USH2A: variants seen among roughly 807,000 people sequenced by gnomAD.
USH2A encodes usherin.
In USH2A, 443 loss-of-function variants were observed where a neutral mutation model predicts 538.9. The observed-to-expected ratio is 0.82, with a 90% CI of 0.76 to 0.89. USH2A has a LOEUF of 0.89. USH2A is among the 40% of genes least tolerant of loss of function. USH2A has a pLI of 0.00. For synonymous variants in USH2A, 2,413 were observed against 2,273.5 expected (o/e 1.06, Z -1.75); for missense variants, 6,633 against 6,324.8 (o/e 1.05, Z -1.65).
intron 21 of USH2A, among the ~76,000 whole-genome samples, chr1:216,148,025 T>TGCCC (rs1017613314): frequency 6.9e-5 from 10 of 143,992 alleles, no homozygotes; most frequent in African/African-American, 2.6e-4. Context: ...AGACTGACAC[T>TGCCC]GCCCGATCGC....
intron 30 of USH2A, among the ~76,000 whole-genome samples, chr1:216,068,748 AATGAAAAT>A (rs1197192154): frequency 2.0e-5 from 3 of 152,192 alleles, no homozygotes; most frequent in Non-Finnish European, 2.9e-5. Context: ...TAAAAATAAT[AATGAAAAT>A]AAAATTATAG....
intron 66 of USH2A, 83 bp from the exon 67 acceptor site, chr1:215,647,813 G>T: frequency 6.6e-7 from 1 of 1,513,206 alleles, no homozygotes; most frequent in Non-Finnish European, 9.1e-7. Flanking sequence ...TCTATTTTGT[G>T]AGGAGACATT....
intron 37 of USH2A, among the ~76,000 whole-genome samples, chr1:215,939,500 C>T (rs2102504287): frequency 6.6e-6 from 1 of 152,144 alleles, no homozygotes. Context: ...GAAATGTTAA[C>T]AATATTAATG....
In USH2A at chr1:215,844,354, C is replaced by T. The variant is rs267598374; in HGVS notation, c.9198G>A (p.Met3066Ile). 2 of 1,613,838 alleles carry T rather than the reference C, an allele frequency of 1.2e-6. No homozygotes were observed. The highest frequency in any genetic ancestry group is 1.7e-6 in the Non-Finnish European group (2 of 1,179,866). Residue 3066 changes from methionine to isoleucine, a missense_variant, in exon 46 of 72, where the codon ATG (methionine) becomes ATA (isoleucine). Transcript: ENST00000307340. Reference sequence around the variant, plus strand: ...TCAGAATAAACGACCCAGGCACATTCATTCCAGTCTTGTAGAGCTTATTAT... The same window carrying T: ...TCAGAATAAACGACCCAGGCACATTTATTCCAGTCTTGTAGAGCTTATTAT... ...YVNNKLYKTG[M>I]NVPGSFILRD...
chr1:215,803,323 G>T (rs1571702039), intron 49 of USH2A, among the ~76,000 whole-genome samples: 1 of 152,198 alleles, frequency 6.6e-6, no homozygotes, highest in East Asian at 1.9e-4. Context: ...TATTCAATTA[G>T]GAAAAGAGGA....
chr1:216,340,716 T>C (rs1050264721), intron 4 of USH2A, among the ~76,000 whole-genome samples: 5 of 151,958 alleles, frequency 3.3e-5, no homozygotes, highest in African/African-American at 4.8e-5. Context: ...AAACGTAATC[T>C]ATCACATAAA....
intron 27 of USH2A, among the ~76,000 whole-genome samples, chr1:216,077,438 G>A (rs2031788058): frequency 6.6e-6 from 1 of 151,684 alleles, no homozygotes; most frequent in South Asian, 2.1e-4. Context: ...TTATGTCAAA[G>A]AAAGAAAAGG....
intron 3 of USH2A, among the ~76,000 whole-genome samples, chr1:216,414,718 A>G (rs1445494357): frequency 1.3e-5 from 2 of 151,940 alleles, no homozygotes; most frequent in Non-Finnish European, 2.9e-5. Flanking sequence ...TGTATGTTTT[A>G]TTTTTTCACA....
chr1:215,649,910 T>C (rs1656997471), intron 65 of USH2A, among the ~76,000 whole-genome samples: 2 of 152,320 alleles, frequency 1.3e-5, no homozygotes, highest in South Asian at 2.1e-4. Context: ...ATTTAAATAA[T>C]GCAGGAACTG....
Position 215,674,100 on chromosome 1 carries a change from C to CTG in USH2A, c.13809_13810dup (p.Arg4604ThrfsTer31). On this transcript the variant is annotated frameshift_variant and splice_region_variant, in exon 63 of 72. Coordinates refer to ENST00000307340, the MANE Select transcript of USH2A (RefSeq NM_206933.4). LOFTEE classifies it high-confidence loss of function. The stretch of plus-strand genomic sequence containing the variant: ...AGAAAACCGAGACATGGCTACCTAC[C>CTG]TGTGAAATGGCTTCAGCTGGTTTAC... The CTG allele has an allele frequency of 6.2e-7, 1 of 1,613,994 alleles. No individual in the cohort carries two copies. Among genetic ancestry groups the CTG allele is most frequent in the East Asian group, 2.2e-5 (1 of 44,868 alleles).
intron 21 of USH2A, among the ~76,000 whole-genome samples, chr1:216,111,227 T>C (rs892605349): frequency 3.3e-5 from 5 of 152,108 alleles, no homozygotes; most frequent in Non-Finnish European, 7.4e-5. Context: ...TGAGACTCCA[T>C]CTCAAAAACA....
At chr1:215,715,470 C>T (rs1018207217) in intron 61 of USH2A, among the ~76,000 whole-genome samples, 2 of 152,134 alleles carry the variant, frequency 1.3e-5, no homozygotes, top group African/African-American at 2.4e-5. Context: ...TACTTAGTCT[C>T]ACTATGGGTT....
intron 30 of USH2A, among the ~76,000 whole-genome samples, chr1:216,049,609 A>G (rs376289883): frequency 6.6e-6 from 1 of 152,210 alleles, no homozygotes; most frequent in Admixed American, 6.5e-5. Flanking sequence ...GAAACCTTCA[A>G]TCGCTCAGAG....
At chr1:215,796,283 G>A (rs536764923) in intron 50 of USH2A, among the ~76,000 whole-genome samples, 1 of 152,168 alleles carries the variant, frequency 6.6e-6, no homozygotes, top group Admixed American at 6.5e-5. Flanking sequence ...ACAAATTGAA[G>A]TTTTGTGGCC....
chr1:216,339,115 C>T (rs961297278), intron 4 of USH2A, among the ~76,000 whole-genome samples: 2 of 151,526 alleles, frequency 1.3e-5, no homozygotes, highest in African/African-American at 4.8e-5. Flanking sequence ...AGCTAACTCT[C>T]CACATGGAAA....
intron 3 of USH2A, among the ~76,000 whole-genome samples, chr1:216,396,094 T>A (rs1178268862): frequency 6.6e-6 from 1 of 152,036 alleles, no homozygotes; most frequent in Admixed American, 6.5e-5. Context: ...TGGCATAACA[T>A]AGAACCAGTT....
chr1:216,131,658 C>G (rs1477670696), intron 21 of USH2A, among the ~76,000 whole-genome samples: 1 of 151,984 alleles, frequency 6.6e-6, no homozygotes, highest in African/African-American at 2.4e-5. Flanking sequence ...CTAAAATTTA[C>G]CCTTTGACTT....
chr1:216,093,921 C>T (rs756944456), intron 22 of USH2A, among the ~76,000 whole-genome samples: 28 of 152,134 alleles, frequency 1.8e-4, no homozygotes, highest in Non-Finnish European at 3.2e-4. Context: ...ACTCTATGAC[C>T]GTAGTTAAGC....
Position 216,017,258 on chromosome 1 carries a change from C to T in USH2A, c.6326-16696G>A, listed in dbSNP as rs536999249. ...CTACACACACATACAAAAACACACA[C>T]GCACACACACAAACATCCTACTGAC... On this transcript the variant is annotated intron_variant, in intron 32 of 71. Transcript: ENST00000307340. 2.4e-4 allele frequency among the ~76,000 whole-genome samples: 36 copies of T among 152,166 alleles called. No homozygotes were observed. The South Asian group carries it at 3.9e-3, about 17-fold the overall frequency.
Sources: allele counts gnomAD v4.1 joint callset (sites outside exome capture counted in the v4.1 genomes callset), GRCh38; gene constraint gnomAD v4.1.1; transcripts MANE v1.5; gene names NCBI Gene and HGNC (gene_info 2026-07-23, HGNC 2026-07-21).